PSMB9: variants seen among roughly 807,000 people sequenced by gnomAD.
PSMB9 encodes the protein proteasome 20S subunit beta 9.
Under a neutral mutation model 26.9 loss-of-function variants are expected in PSMB9, and 16 were observed. The observed-to-expected ratio is 0.59, with a 90% CI of 0.40 to 0.90. The LOEUF (loss-of-function observed/expected upper bound fraction) is 0.90. Ranked by LOEUF, PSMB9 falls within the 40% of genes least tolerant of loss-of-function variation. The pLI, the probability that PSMB9 is intolerant of heterozygous loss-of-function variation, is 0.00. For missense variants in PSMB9, 253 were observed against 292.2 expected, an observed-to-expected ratio of 0.87 and a Z score of 0.98; for synonymous variants, 91 against 112.0, an observed-to-expected ratio of 0.81 and a Z score of 1.18.
chr6:32,858,382 G>T lies in PSMB9; in HGVS notation c.409G>T (p.Gly137Ter). The change falls in exon 5 of 6, where the codon GGA (glycine) becomes TGA (stop). Residue 137 changes from glycine to a stop codon, truncating the protein, a stop_gained. Transcript: ENST00000374859. LOFTEE classifies it high-confidence loss of function. This position sits in a 1 kb window ranked among gnomAD's most constrained non-coding sequence, Gnocchi z 5.2. Reference sequence around the variant, plus strand: ...TTCCCAGGTATATGGAACCCTGGGAGGAATGCTGACTCGACAGCCTTTTGC... The same window carrying T: ...TTCCCAGGTATATGGAACCCTGGGATGAATGCTGACTCGACAGCCTTTTGC... Reference protein sequence around the residue: ...EGGQVYGTLGGMLTRQPFAIG... With the variant: ...EGGQVYGTLG 6.2e-7 allele frequency: 1 copy of T among 1,612,952 alleles called. No homozygotes were observed. The highest frequency in any genetic ancestry group is 8.5e-7 in the Non-Finnish European group (1 of 1,179,964).
chr6:32,858,790 T>G lies in PSMB9; in HGVS notation c.532+285T>G, dbSNP rs969114439. 2.0e-6 allele frequency: 1 copy of G among 501,546 alleles called. No individual in the cohort carries two copies. Among genetic ancestry groups the G allele is most frequent in the African/African-American group, 1.9e-5 (1 of 51,742 alleles). The allele number at this position is 501,546 out of a possible 1,614,324, so 31.1% of individuals were successfully genotyped here. A position where few individuals can be genotyped will look rare whatever the true frequency, so the allele number is the denominator to read the frequency against. ...TGGCTCACACCTGTAATGCCAACAA[T>G]TTGGGAGGCTGAGGCAGGAGGATTA... On this transcript the variant is annotated intron_variant, in intron 5 of 5. Transcript: ENST00000374859. The surrounding 1 kb of genome is among the most constrained non-coding windows in gnomAD (Gnocchi z 5.2).
chr6:32,856,362 C>G, intron 2 of PSMB9, 157 bp downstream of exon 2: 1 of 689,516 alleles, frequency 1.5e-6, no homozygotes. Flanking sequence ...TTGGTGGGTG[C>G]TTGGGTCTCT....
chr6:32,854,433 G>A lies in PSMB9; in HGVS notation c.60+144G>A, dbSNP rs1158570668. The A allele has an allele frequency of 4.2e-6, 3 of 708,672 alleles. No individual in the cohort carries two copies. Among genetic ancestry groups the A allele is most frequent in the Non-Finnish European group, 6.8e-6 (3 of 441,174 alleles). The allele number at this position is 708,672 out of a possible 1,614,324, so 43.9% of individuals were successfully genotyped here. On this transcript the variant is annotated intron_variant, in intron 1 of 5. Coordinates refer to ENST00000374859, the MANE Select transcript of PSMB9 (RefSeq NM_002800.5). This position sits in a 1 kb window ranked among gnomAD's most constrained non-coding sequence, Gnocchi z 4.6. ...CTGTAGCAGCCAGCGCTTGCAACCC[G>A]CAATGAGCATAGAGTATTTCTTTTC...
Position 32,854,286 on chromosome 6 carries a change from C to A in PSMB9, c.57C>A (p.Thr19=). Residue 19 remains threonine, a synonymous_variant, in exon 1 of 6, where the codon ACC becomes ACA. Transcript: ENST00000374859. This position sits in a 1 kb window ranked among gnomAD's most constrained non-coding sequence, Gnocchi z 4.6. ...GDLPRAGEVH[T]GTTIMAVEFD... is the part of the protein sequence containing the mutation. ...TACCCCGGGCGGGAGAAGTCCACAC[C>A]GGGGTAATGGGTCTGGGCTTGAGGG... The A allele has an allele frequency of 1.3e-6, 2 of 1,511,530 alleles. No individual in the cohort carries two copies. Among genetic ancestry groups the A allele is most frequent in the South Asian group, 1.3e-5 (1 of 77,586 alleles). The allele number at this position is 1,511,530 out of a possible 1,614,324, so 93.6% of individuals were successfully genotyped here. A position where few individuals can be genotyped will look rare whatever the true frequency, so the allele number is the denominator to read the frequency against.
rs1289921108 is a variant in PSMB9 at position 32,858,146 on chromosome 6, C to T, written c.390+12C>T. On this transcript the variant is annotated intron_variant, in intron 4 of 5. Coordinates refer to ENST00000374859, the MANE Select transcript of PSMB9 (RefSeq NM_002800.5). This position sits in a 1 kb window ranked among gnomAD's most constrained non-coding sequence, Gnocchi z 5.2. ...GTGAAGGAGGTCAGGTGAGTTTCTC[C>T]CAAAGCACTCTCTCCTCTGGGCTTC... is the stretch of plus-strand genomic sequence containing the variant. The T allele has an allele frequency of 1.9e-6, 3 of 1,612,720 alleles. No individual in the cohort carries two copies. In the African/African-American group the frequency reaches 4.0e-5, roughly 22 times the overall value.
rs1305161474 is a variant in PSMB9, at chr6:32,854,406, G to A, written c.60+117G>A. Reference sequence around the variant, plus strand: ...AGACCAACGGGAGCGCAGGGAGGTCGCCTGTAGCAGCCAGCGCTTGCAACC... The same window carrying A: ...AGACCAACGGGAGCGCAGGGAGGTCACCTGTAGCAGCCAGCGCTTGCAACC... On this transcript the variant is annotated intron_variant, in intron 1 of 5. Coordinates refer to ENST00000374859, the MANE Select transcript of PSMB9 (RefSeq NM_002800.5). The surrounding 1 kb of genome is among the most constrained non-coding windows in gnomAD (Gnocchi z 4.6). 9 of 947,172 alleles carry A rather than the reference G, an allele frequency of 9.5e-6. No individual in the cohort carries two copies. The highest frequency in any genetic ancestry group is 3.1e-5 in the East Asian group (1 of 32,724). 58.7% of individuals were successfully genotyped at this position (947,172 alleles called of 1,614,324 possible).
chr6:32,857,118 T>A, intron 2 of PSMB9, 145 bp from the exon 3 acceptor site: 1 of 825,052 alleles, frequency 1.2e-6, no homozygotes, highest in Non-Finnish European at 1.7e-6. Flanking sequence ...GAGAATCACT[T>A]GAACCAGGGA....
chr6:32,854,901 C>T lies in PSMB9; in HGVS notation c.60+612C>T, dbSNP rs1421258729. On this transcript the variant is annotated intron_variant, in intron 1 of 5. Transcript: ENST00000374859. The surrounding 1 kb of genome is among the most constrained non-coding windows in gnomAD (Gnocchi z 4.6). The stretch of plus-strand genomic sequence containing the variant: ...GTCTTCCCTGCCCACTCCCATGTGC[C>T]CACTGGGGGGACTTTGCTTAGGATG... Among the ~76,000 whole-genome samples, 2 of 152,152 alleles carry T rather than the reference C, an allele frequency of 1.3e-5. No homozygotes were observed. The highest frequency in any genetic ancestry group is 1.9e-4 in the East Asian group (1 of 5,182).
chr6:32,857,065 T>A, intron 2 of PSMB9, 198 bp from the exon 3 acceptor site: 1 of 464,636 alleles, frequency 2.2e-6, no homozygotes, highest in South Asian at 3.9e-5. Context: ...CTGGGCTTGG[T>A]GGTGGGTGCC....
intron 1 of PSMB9, among the ~76,000 whole-genome samples, chr6:32,855,480 T>C (rs3763346): frequency 0.45 from 67,837 of 151,986 alleles, 15,232 homozygotes; most frequent in Middle Eastern, 0.53. Context: ...CAAATTTACC[T>C]CCCTGGCTGC....
intron 2 of PSMB9, 138 bp from the exon 3 acceptor site, chr6:32,857,125 G>A: frequency 2.2e-6 from 2 of 904,322 alleles, no homozygotes; most frequent in South Asian, 4.8e-5. Context: ...ACTTGAACCA[G>A]GGAGGCGAAG....
intron 1 of PSMB9, among the ~76,000 whole-genome samples, chr6:32,855,590 CT>C (rs751632483): frequency 2.6e-5 from 4 of 152,100 alleles, no homozygotes; most frequent in African/African-American, 9.7e-5. Flanking sequence ...TGCCTTGCCC[CT>C]GGCCATGCTA....
chr6:32,858,277 G>A lies in PSMB9; in HGVS notation c.391-87G>A. 6.2e-6 allele frequency: 10 copies of A among 1,601,940 alleles called. No individual in the cohort carries two copies. The highest frequency in any genetic ancestry group is 8.5e-6 in the Non-Finnish European group (10 of 1,172,136). ...TACTTTGGGGATATGAGATACCAGG[G>A]CTTCATTGCAGGGTGCAGAGACCAC... On this transcript the variant is annotated intron_variant, in intron 4 of 5. Coordinates refer to ENST00000374859, the MANE Select transcript of PSMB9 (RefSeq NM_002800.5). The surrounding 1 kb of genome is among the most constrained non-coding windows in gnomAD (Gnocchi z 5.2).
rs775486650 is a variant in PSMB9 at position 32,858,615 on chromosome 6, G to A, written c.532+110G>A. 2.8e-4 allele frequency: 391 copies of A among 1,420,424 alleles called. No individual in the cohort carries two copies. The highest frequency in any genetic ancestry group is 3.5e-4 in the Non-Finnish European group (361 of 1,024,290). The allele number at this position is 1,420,424 out of a possible 1,614,324, so 88.0% of individuals were successfully genotyped here. The stretch of plus-strand genomic sequence containing the variant: ...AGGGGTGGCCATTTAAGTTAATGCC[G>A]GGCCTGGTACACTTTTAAGAGTGAA... On this transcript the variant is annotated intron_variant, in intron 5 of 5. Coordinates refer to ENST00000374859, the MANE Select transcript of PSMB9 (RefSeq NM_002800.5). The surrounding 1 kb of genome is among the most constrained non-coding windows in gnomAD (Gnocchi z 5.2).
Position 32,858,120 on chromosome 6 carries a change from C to A in PSMB9, c.376C>A (p.Arg126Ser). ...TCTCATGGTAGCTGGCTGGGACCAA[C>A]GTGAAGGAGGTCAGGTGAGTTTCTC... ...AHLMVAGWDQ[R>S]EGGQVYGTLG... Residue 126 changes from arginine (R) to serine (S), a missense_variant, in exon 4 of 6, where the codon CGT (arginine) becomes AGT (serine). Transcript: ENST00000374859. This position sits in a 1 kb window ranked among gnomAD's most constrained non-coding sequence, Gnocchi z 5.2. 6.2e-7 allele frequency: 1 copy of A among 1,613,048 alleles called. No homozygotes were observed. Among genetic ancestry groups the A allele is most frequent in the Non-Finnish European group, 8.5e-7 (1 of 1,180,014 alleles).
At chr6:32,857,896 A>G (rs113205385) in intron 3 of PSMB9, 109 bp from the exon 4 acceptor site, 1 of 1,309,448 alleles carries the variant, frequency 7.6e-7, no homozygotes, top group Non-Finnish European at 1.1e-6. Flanking sequence ...CTGCAGTTTG[A>G]GCTATTGCAG....
chr6:32,857,311 G>A lies in PSMB9; in HGVS notation c.177G>A (p.Glu59=), dbSNP rs1450592511. 1 of 1,612,284 alleles carries A rather than the reference G, an allele frequency of 6.2e-7. No homozygotes were observed. Among genetic ancestry groups the A allele is most frequent in the Non-Finnish European group, 8.5e-7 (1 of 1,179,706 alleles). ...TTGACAAGCTGTCCCCGCTGCACGA[G>A]CGCATCTACTGTGCACTCTCTGGTT... ...RVFDKLSPLH[E]RIYCALSGSA... The change falls in exon 3 of 6, where the codon GAG becomes GAA. Residue 59 remains glutamate (E), a synonymous_variant. Transcript: ENST00000374859.
chr6:32,854,346 G>C lies in PSMB9; in HGVS notation c.60+57G>C. 1 of 1,421,316 alleles carries C rather than the reference G, an allele frequency of 7.0e-7. No individual in the cohort carries two copies. The highest frequency in any genetic ancestry group is 2.8e-5 in the East Asian group (1 of 35,900). 88.0% of individuals were successfully genotyped at this position (1,421,316 alleles called of 1,614,324 possible). On this transcript the variant is annotated intron_variant, in intron 1 of 5. Coordinates refer to ENST00000374859, the MANE Select transcript of PSMB9 (RefSeq NM_002800.5). This position sits in a 1 kb window ranked among gnomAD's most constrained non-coding sequence, Gnocchi z 4.6. ...GGGTGGAGGAGATGCAGCGGCCAGG[G>C]GACCCTGGAAGCGCGCGCGGAGAAG...
rs775179175 is a variant in PSMB9, at chr6:32,857,410, GT to G, written c.260+18del. On this transcript the variant is annotated intron_variant, in intron 3 of 5. Coordinates refer to ENST00000374859, the MANE Select transcript of PSMB9 (RefSeq NM_002800.5). ...AGCTCCATGGGTATGAAGCTCTGGAGTTCTGACTCCCCACCCACTAGAGCTC... is the reference window on the plus strand; with the variant it reads ...AGCTCCATGGGTATGAAGCTCTGGAGTCTGACTCCCCACCCACTAGAGCTC... 2 of 1,609,864 alleles carry G rather than the reference GT, an allele frequency of 1.2e-6. No homozygotes were observed. Among genetic ancestry groups the G allele is most frequent in the African/African-American group, 2.7e-5 (2 of 74,958 alleles).
Sources: gnomAD v4.1 joint callset for allele counts (sites outside exome capture counted in the v4.1 genomes callset) on GRCh38, gnomAD v4.1.1 for gene constraint, Gnocchi (gnomAD v3.1) non-coding constraint, MANE v1.5 for transcripts, NCBI Gene and HGNC (gene_info 2026-07-23, HGNC 2026-07-21) for gene names.